Variants in PCDH9 observed in about 807,000 individuals in gnomAD.
PCDH9 encodes protocadherin-9.
A neutral mutation model predicts 70.6 loss-of-function variants in PCDH9; 24 were observed. The ratio of observed to expected loss-of-function variants is 0.34; its 90% confidence interval spans 0.25 to 0.48. The LOEUF (loss-of-function observed/expected upper bound fraction) is 0.48. Among genes scored for constraint, PCDH9 ranks in the 20% least tolerant of loss-of-function variants. The pLI is 0.99. For missense variants in PCDH9, 1,281 were observed against 1,503.6 expected, an observed-to-expected ratio of 0.85 and a Z score of 2.45; for synonymous variants, 562 against 558.5, an observed-to-expected ratio of 1.01 and a Z score of -0.09.
intron 3 of PCDH9, among the ~76,000 whole-genome samples, chr13:66,688,429 C>T (rs1403924065): frequency 6.6e-6 from 1 of 152,126 alleles, no homozygotes; most frequent in Non-Finnish European, 1.5e-5. Context: ...AGGCATCTTA[C>T]AGAAAAGTGT....
intron 3 of PCDH9, among the ~76,000 whole-genome samples, chr13:66,736,471 G>A (rs1455863360): frequency 6.6e-6 from 1 of 152,178 alleles, no homozygotes; most frequent in African/African-American, 2.4e-5. Context: ...CCCATACCTC[G>A]ACCTTGGACT....
chr13:66,413,855 C>CA (rs1350873770), intron 4 of PCDH9, among the ~76,000 whole-genome samples: 3 of 151,916 alleles, frequency 2.0e-5, no homozygotes, highest in Non-Finnish European at 4.4e-5. Context: ...GAAAGACCAG[C>CA]AAAAAATGTA....
intron 2 of PCDH9, among the ~76,000 whole-genome samples, chr13:67,200,169 A>G (rs909448848): frequency 1.3e-5 from 2 of 152,086 alleles, no homozygotes; most frequent in Non-Finnish European, 2.9e-5. Context: ...AATGGCATCA[A>G]TAATTTTTTA....
chr13:67,080,043 A>G (rs2085953437), intron 2 of PCDH9, among the ~76,000 whole-genome samples: 1 of 152,122 alleles, frequency 6.6e-6, no homozygotes, highest in African/African-American at 2.4e-5. Context: ...ATTTTCCTGC[A>G]ATTCCTGTCT....
At chr13:67,055,778 T>C (rs2085406780) in intron 2 of PCDH9, among the ~76,000 whole-genome samples, 1 of 152,098 alleles carries the variant, frequency 6.6e-6, no homozygotes, top group Non-Finnish European at 1.5e-5. Flanking sequence ...GTCTGGATGA[T>C]AGAGTGAGAC....
At chr13:66,751,102 C>T (rs78925451) in intron 3 of PCDH9, among the ~76,000 whole-genome samples, 2,389 of 152,254 alleles carry the variant, frequency 0.016, 74 homozygotes, top group African/African-American at 0.053. Context: ...TTTCCTTCTA[C>T]CACTTGCACT....
chr13:66,748,842 C>G (rs1456425013), intron 3 of PCDH9, among the ~76,000 whole-genome samples: 2 of 152,036 alleles, frequency 1.3e-5, no homozygotes, highest in African/African-American at 4.8e-5. Flanking sequence ...GCTCTGTGTC[C>G]CCACCCAAAT....
At chr13:66,955,896 G>T (rs1320967671) in intron 2 of PCDH9, among the ~76,000 whole-genome samples, 1 of 151,878 alleles carries the variant, frequency 6.6e-6, no homozygotes, top group Non-Finnish European at 1.5e-5. Context: ...GTTCGACACC[G>T]GCCTGGCCAA....
chr13:66,752,792 C>G (rs1274550658), intron 3 of PCDH9, among the ~76,000 whole-genome samples: 1 of 152,196 alleles, frequency 6.6e-6, no homozygotes, highest in African/African-American at 2.4e-5. Flanking sequence ...AAGGTCCACA[C>G]ATACACAATG....
intron 2 of PCDH9, among the ~76,000 whole-genome samples, chr13:67,176,575 G>A (rs959357257): frequency 6.6e-6 from 1 of 151,794 alleles, no homozygotes; most frequent in African/African-American, 2.4e-5. Flanking sequence ...ATTTAGAAAT[G>A]CTTCAGCTAA....
At chr13:67,190,498 A>G (rs2088881027) in intron 2 of PCDH9, among the ~76,000 whole-genome samples, 2 of 152,184 alleles carry the variant, frequency 1.3e-5, no homozygotes, top group East Asian at 1.9e-4. Flanking sequence ...TAGAGAGGAA[A>G]CTGAGCAATT....
At chr13:66,649,327 A>G (rs1566481020) in intron 3 of PCDH9, among the ~76,000 whole-genome samples, 1 of 152,166 alleles carries the variant, frequency 6.6e-6, no homozygotes, top group Non-Finnish European at 1.5e-5. Flanking sequence ...AAAGAAAAGT[A>G]TGAGACAATG....
chr13:66,311,032 T>G (rs1955550486), intron 4 of PCDH9, among the ~76,000 whole-genome samples: 1 of 152,114 alleles, frequency 6.6e-6, no homozygotes, highest in Admixed American at 6.6e-5. Flanking sequence ...AAATGAAAGA[T>G]GCATTCCACT....
intron 3 of PCDH9, among the ~76,000 whole-genome samples, chr13:66,811,776 TCTC>T (rs2080512135): frequency 1.3e-5 from 2 of 151,480 alleles, no homozygotes; most frequent in African/African-American, 2.4e-5. Context: ...TCTCTCTCTC[TCTC>T]TTTTCCTTCT....
At chr13:66,679,141 C>A (rs182096390) in intron 3 of PCDH9, among the ~76,000 whole-genome samples, 207 of 151,536 alleles carry the variant, frequency 1.4e-3, no homozygotes, top group African/African-American at 4.8e-3. Context: ...CATTTAAATG[C>A]ATTTCTTGTC....
At chr13:67,014,717 T>G (rs902721226) in intron 2 of PCDH9, among the ~76,000 whole-genome samples, 1 of 152,022 alleles carries the variant, frequency 6.6e-6, no homozygotes, top group Non-Finnish European at 1.5e-5. Flanking sequence ...CAATTAGTTT[T>G]GAATTGTGTT....
intron 2 of PCDH9, among the ~76,000 whole-genome samples, chr13:67,117,766 C>A (rs551741921): frequency 6.6e-6 from 1 of 151,896 alleles, no homozygotes; most frequent in Non-Finnish European, 1.5e-5. Context: ...TTCCTTAATG[C>A]GGCCTAATTA....
At chr13:67,220,705 A>C (rs941332120) in intron 2 of PCDH9, 5 of 152,088 alleles carry the variant, frequency 3.3e-5, no homozygotes, top group African/African-American at 4.8e-5. Context: ...ACAAATAATA[A>C]GAGAATAGAA....
chr13:66,940,475 G>C lies in PCDH9; in HGVS notation c.3037-36870C>G, dbSNP rs567381722. Among the ~76,000 whole-genome samples, 198 of 152,140 alleles carry C rather than the reference G, an allele frequency of 1.3e-3. 1 individual carries two copies. The Middle Eastern group carries it at 0.014, about 10-fold the overall frequency. ...ATGATTAAACAGCATATAAAAAAAAGTTTTCTCAAATTTCTGATTATCTTA... is the reference window on the plus strand; with the variant it reads ...ATGATTAAACAGCATATAAAAAAAACTTTTCTCAAATTTCTGATTATCTTA... On this transcript the variant is annotated intron_variant, in intron 2 of 4. Transcript: ENST00000377865.
Sources: allele counts gnomAD v4.1 joint callset (sites outside exome capture counted in the v4.1 genomes callset), GRCh38; gene constraint gnomAD v4.1.1; transcripts MANE v1.5; gene names NCBI Gene and HGNC (gene_info 2026-07-23, HGNC 2026-07-21).